ZMAT4: variants seen among roughly 807,000 people sequenced by gnomAD.
The protein encoded by ZMAT4 is zinc finger matrin-type 4.
Under a neutral mutation model 28.7 loss-of-function variants are expected in ZMAT4, and 17 were observed. That is an observed-to-expected ratio of 0.59 (90% confidence interval 0.41 to 0.89). The LOEUF (loss-of-function observed/expected upper bound fraction) is 0.89. Ranked by LOEUF, ZMAT4 falls within the 40% of genes least tolerant of loss-of-function variation. ZMAT4 has a pLI of 0.00. For synonymous variants in ZMAT4, 117 were observed against 109.2 expected (o/e 1.07, Z -0.44); for missense variants, 240 against 283.8 (o/e 0.85, Z 1.11).
chr8:40,640,588 A>G (rs916920068), intron 5 of ZMAT4, among the ~76,000 whole-genome samples: 1 of 152,076 alleles, frequency 6.6e-6, no homozygotes, highest in African/African-American at 2.4e-5. Flanking sequence ...ATAGTTCTGG[A>G]AAGTTCTGGG....
chr8:40,628,496 C>T (rs10094659), intron 5 of ZMAT4, among the ~76,000 whole-genome samples: 2,389 of 152,264 alleles, frequency 0.016, 55 homozygotes, highest in African/African-American at 0.055. Flanking sequence ...CTGCTAATAA[C>T]ACAATGAAAA....
rs539660163 is a variant in ZMAT4 at position 40,656,839 on chromosome 8, C to T, written c.577+17865G>A. Among the ~76,000 whole-genome samples the T allele has an allele frequency of 1.3e-4, 19 of 151,950 alleles. No homozygotes were observed. In the South Asian group the frequency reaches 4.0e-3, roughly 32 times the overall value. Reference sequence around the variant, plus strand: ...ATATAAAATGTCCAAAATAGGCAAGCCCACAGAGATAAAACCTAGACTAGT... The same window carrying T: ...ATATAAAATGTCCAAAATAGGCAAGTCCACAGAGATAAAACCTAGACTAGT... On this transcript the variant is annotated intron_variant, in intron 5 of 6. Transcript: ENST00000297737.
At chr8:40,867,632 T>A (rs1476777320) in intron 1 of ZMAT4, among the ~76,000 whole-genome samples, 2 of 152,222 alleles carry the variant, frequency 1.3e-5, no homozygotes, top group African/African-American at 4.8e-5. Flanking sequence ...TTGAGGCCAC[T>A]GGATTTGGCA....
At chr8:40,661,724 G>A (rs1249723871) in intron 5 of ZMAT4, among the ~76,000 whole-genome samples, 1 of 152,180 alleles carries the variant, frequency 6.6e-6, no homozygotes. Context: ...CCACAAAAAA[G>A]CCCACAGCTT....
intron 2 of ZMAT4, among the ~76,000 whole-genome samples, chr8:40,794,884 G>C (rs1814521193): frequency 6.6e-6 from 1 of 152,054 alleles, no homozygotes; most frequent in South Asian, 2.1e-4. Context: ...CAGGTGGCGG[G>C]GGAGGGTGGG....
At chr8:40,538,651 G>C (rs1802925243) in intron 6 of ZMAT4, among the ~76,000 whole-genome samples, 1 of 152,078 alleles carries the variant, frequency 6.6e-6, no homozygotes, top group South Asian at 2.1e-4. Context: ...CTCGAAATCT[G>C]GTTAATCCTT....
At chr8:40,883,985 C>T (rs577071239) in intron 1 of ZMAT4, among the ~76,000 whole-genome samples, 2 of 152,246 alleles carry the variant, frequency 1.3e-5, no homozygotes, top group East Asian at 1.9e-4. Flanking sequence ...GTGATAGCAT[C>T]GGCAGAAACC....
At chr8:40,542,071 G>A (rs374319815) in intron 6 of ZMAT4, among the ~76,000 whole-genome samples, 140 of 152,310 alleles carry the variant, frequency 9.2e-4, no homozygotes, top group African/African-American at 3.1e-3. Flanking sequence ...GGGGAGGAAT[G>A]TGTGGTGGAG....
chr8:40,627,379 G>A (rs56194700), intron 5 of ZMAT4, among the ~76,000 whole-genome samples: 1 of 151,944 alleles, frequency 6.6e-6, no homozygotes, highest in Non-Finnish European at 1.5e-5. Context: ...CACACAAACA[G>A]ACACATACAC....
rs151022329 is a variant in ZMAT4, at chr8:40,774,683, A to AGTAT, written c.103-6954_103-6953insATAC. 9.3e-5 allele frequency among the ~76,000 whole-genome samples: 14 copies of AGTAT among 149,812 alleles called. No homozygotes were observed. In the East Asian group the frequency reaches 1.4e-3, roughly 15 times the overall value. On this transcript the variant is annotated intron_variant, in intron 2 of 6. Coordinates refer to ENST00000297737, the MANE Select transcript of ZMAT4 (RefSeq NM_024645.3). ...TAATGATAATATTCAATGACATAGA[A>AGTAT]ATATATATATATAATAAATATTAAA...
At chr8:40,807,749 A>C (rs1815154571) in intron 2 of ZMAT4, among the ~76,000 whole-genome samples, 1 of 152,214 alleles carries the variant, frequency 6.6e-6, no homozygotes. Flanking sequence ...AGGCACAGTG[A>C]CTTCATTAAT....
At chr8:40,575,043 G>T (rs1268318607) in intron 6 of ZMAT4, among the ~76,000 whole-genome samples, 4 of 152,144 alleles carry the variant, frequency 2.6e-5, no homozygotes, top group African/African-American at 7.2e-5. Flanking sequence ...CTAGACTTGG[G>T]ACTCTGCTGT....
intron 1 of ZMAT4, among the ~76,000 whole-genome samples, chr8:40,873,389 A>G (rs1240609252): frequency 1.3e-5 from 2 of 152,206 alleles, no homozygotes; most frequent in East Asian, 1.9e-4. Context: ...TTCCTGTGGC[A>G]GGGCAGATGT....
At chr8:40,671,479 G>A (rs1808665155) in intron 5 of ZMAT4, among the ~76,000 whole-genome samples, 1 of 152,120 alleles carries the variant, frequency 6.6e-6, no homozygotes, top group African/African-American at 2.4e-5. Context: ...ATACTACTCA[G>A]TAATAAAAAA....
At chr8:40,576,148 T>G (rs924936086) in intron 6 of ZMAT4, among the ~76,000 whole-genome samples, 2 of 151,680 alleles carry the variant, frequency 1.3e-5, no homozygotes, top group African/African-American at 4.8e-5. Context: ...ATAAAAAAGA[T>G]GAAGAAAGCC....
At chr8:40,570,507 C>A (rs1015500583) in intron 6 of ZMAT4, among the ~76,000 whole-genome samples, 3 of 151,874 alleles carry the variant, frequency 2.0e-5, no homozygotes, top group African/African-American at 7.3e-5. Flanking sequence ...GAGACCAGCC[C>A]GGGCCACACA....
intron 5 of ZMAT4, among the ~76,000 whole-genome samples, chr8:40,652,507 CT>C (rs1377616245): frequency 4.7e-5 from 2 of 42,270 alleles, no homozygotes; most frequent in African/African-American, 1.2e-4. Context: ...AGTTCAACCA[CT>C]GTGGAAGTCA....
rs1191272445 is a variant in ZMAT4 at position 40,650,679 on chromosome 8, A to G, written c.577+24025T>C. On this transcript the variant is annotated intron_variant, in intron 5 of 6. Coordinates refer to ENST00000297737, the MANE Select transcript of ZMAT4 (RefSeq NM_024645.3). ...GAACATTGATGCAAAAATCCTCAATAAAATACTGGCAAAACGAATCCAGCA... is the reference window on the plus strand; with the variant it reads ...GAACATTGATGCAAAAATCCTCAATGAAATACTGGCAAAACGAATCCAGCA... 6.2e-5 allele frequency among the ~76,000 whole-genome samples: 8 copies of G among 128,122 alleles called. No individual in the cohort carries two copies. In the East Asian group the frequency reaches 7.8e-4, roughly 13 times the overall value. 84.1% of individuals were successfully genotyped at this position (128,122 alleles called of 152,430 possible).
intron 5 of ZMAT4, among the ~76,000 whole-genome samples, chr8:40,674,212 A>G (rs1002873353): frequency 2.7e-5 from 4 of 150,298 alleles, no homozygotes; most frequent in Non-Finnish European, 4.4e-5. Context: ...CTCCTGCCTC[A>G]GCCTCCCAAG....
Sources: gnomAD v4.1 joint callset for allele counts (sites outside exome capture counted in the v4.1 genomes callset) on GRCh38, gnomAD v4.1.1 for gene constraint, MANE v1.5 for transcripts, NCBI Gene and HGNC (gene_info 2026-07-23, HGNC 2026-07-21) for gene names.